Variants in LMAN1 observed in about 807,000 individuals in gnomAD.
The protein encoded by LMAN1 is protein ERGIC-53.
In LMAN1, 32 loss-of-function variants were observed where a neutral mutation model predicts 67.8. The observed-to-expected ratio is 0.47, with a 90% CI of 0.36 to 0.63. The LOEUF (loss-of-function observed/expected upper bound fraction) is 0.63, where lower values mean the gene tolerates loss of function less well. Among genes scored for constraint, LMAN1 ranks in the 30% least tolerant of loss-of-function variants. The probability of loss-of-function intolerance (pLI) is 0.00; values close to 1 mark genes in which losing one functional copy is unlikely to be tolerated. For synonymous variants in LMAN1, 235 were observed against 219.3 expected (o/e 1.07, Z -0.63); for missense variants, 632 against 628.2 (o/e 1.01, Z -0.06).
At position 59,331,007 on chromosome 18, in the gene LMAN1, G is replaced by A; in HGVS notation, c.*86C>T. 1.2e-6 allele frequency: 1 copy of A among 863,746 alleles called. No individual in the cohort carries two copies. The highest frequency in any genetic ancestry group is 1.5e-5 in the South Asian group (1 of 66,094). The allele number at this position is 863,746 out of a possible 1,614,324, so 53.5% of individuals were successfully genotyped here. A position where few individuals can be genotyped will look rare whatever the true frequency, so the allele number is the denominator to read the frequency against. On this transcript the variant is annotated 3_prime_UTR_variant, in exon 13 of 13. Transcript: ENST00000251047. ...TTTTATTAAGAAAATTAATAATTTA[G>A]ACTATGAAGCAATTTAAATACTTAA...
intron 11 of LMAN1, 39 bp downstream of exon 11, chr18:59,333,052 A>G (rs189880639): frequency 1.5e-4 from 229 of 1,534,940 alleles, no homozygotes; most frequent in Non-Finnish European, 2.0e-4. Context: ...TTCCTTTCCT[A>G]AAGATTATAA....
At chr18:59,347,620 T>C (rs373365687) in intron 6 of LMAN1, 49 bp from the exon 7 acceptor site, 9 of 1,181,206 alleles carry the variant, frequency 7.6e-6, no homozygotes, top group Admixed American at 4.0e-5. Context: ...AGGAGATTAC[T>C]TTTATCATTG....
intron 7 of LMAN1, 144 bp from the exon 8 acceptor site, chr18:59,346,195 G>A (rs1006776290): frequency 4.7e-5 from 19 of 407,398 alleles, no homozygotes; most frequent in African/African-American, 6.6e-5. Flanking sequence ...TTACTTAAAC[G>A]ATAGCAAATT....
chr18:59,353,439 C>T (rs1603396009), intron 4 of LMAN1, 138 bp from the exon 5 acceptor site: 2 of 680,730 alleles, frequency 2.9e-6, no homozygotes, highest in East Asian at 5.6e-5. Flanking sequence ...CTACACGAGA[C>T]TACATGAGAC....
chr18:59,352,216 T>C (rs994012049), intron 5 of LMAN1, among the ~76,000 whole-genome samples: 1 of 152,122 alleles, frequency 6.6e-6, no homozygotes, highest in South Asian at 2.1e-4. Context: ...TGATTTCCCA[T>C]TCCTCCCCCA....
At chr18:59,357,258 T>C (rs1355332085) in intron 1 of LMAN1, among the ~76,000 whole-genome samples, 1 of 152,228 alleles carries the variant, frequency 6.6e-6, no homozygotes, top group Non-Finnish European at 1.5e-5. Flanking sequence ...TCTTGACATT[T>C]CTGCAGCAGA....
Position 59,347,581 on chromosome 18 carries a change from A to G in LMAN1, c.764-10T>C. On this transcript the variant is annotated splice_polypyrimidine_tract_variant and intron_variant, in intron 6 of 12. Coordinates refer to ENST00000251047, the MANE Select transcript of LMAN1 (RefSeq NM_005570.4). Reference sequence around the variant, plus strand: ...AGGACATCATGGTCATCTACAAATTAAAAAAAAAAAAGTCTGAAAAAGTTC... The same window carrying G: ...AGGACATCATGGTCATCTACAAATTGAAAAAAAAAAAGTCTGAAAAAGTTC... 2.0e-6 allele frequency: 1 copy of G among 495,926 alleles called. No homozygotes were observed. Among genetic ancestry groups the G allele is most frequent in the Non-Finnish European group, 2.8e-6 (1 of 359,990 alleles). The allele number at this position is 495,926 out of a possible 1,614,324, so 30.7% of individuals were successfully genotyped here.
intron 8 of LMAN1, among the ~76,000 whole-genome samples, chr18:59,344,666 G>C (rs192960995): frequency 6.6e-6 from 1 of 151,568 alleles, no homozygotes; most frequent in African/African-American, 2.4e-5. Flanking sequence ...AGGTGGGAGG[G>C]GAATGAAGGT....
chr18:59,346,626 T>C (rs1908414955), intron 7 of LMAN1, among the ~76,000 whole-genome samples: 1 of 151,918 alleles, frequency 6.6e-6, no homozygotes, highest in Non-Finnish European at 1.5e-5. Flanking sequence ...GTTCAAGCGA[T>C]TCTCCAGCCT....
At chr18:59,358,879 G>A (rs763621911) in intron 1 of LMAN1, 152 bp downstream of exon 1, 29 of 769,734 alleles carry the variant, frequency 3.8e-5, no homozygotes, top group Non-Finnish European at 5.9e-5. Flanking sequence ...GGACCCGGCG[G>A]AGGGGCTGCC....
chr18:59,335,499 G>A (rs1182760630), intron 10 of LMAN1, among the ~76,000 whole-genome samples: 1 of 151,538 alleles, frequency 6.6e-6, no homozygotes, highest in Non-Finnish European at 1.5e-5. Flanking sequence ...AATACAGGAA[G>A]AACAAACCGG....
rs1347300306 is a variant in LMAN1, at chr18:59,338,865, C to T, written c.1044G>A (p.Leu348=). The T allele has an allele frequency of 6.2e-7, 1 of 1,613,756 alleles. No homozygotes were observed. Among genetic ancestry groups the T allele is most frequent in the South Asian group, 1.1e-5 (1 of 91,076 alleles). Residue 348 remains leucine (L), a synonymous_variant, in exon 9 of 13, where the codon CTG becomes CTA. Coordinates refer to ENST00000251047, the MANE Select transcript of LMAN1 (RefSeq NM_005570.4). The part of the protein sequence containing the change: ...QNRIHLEIKQ[L]NRQLDMILDE... The stretch of plus-strand genomic sequence containing the variant: ...CAAGAATCATATCTAACTGCCGGTT[C>T]AGCTGCTTGATTTCAAGATGAATAC...
rs111966923 is a variant in LMAN1, at chr18:59,355,205, T to A, written c.477+108A>T. The A allele has an allele frequency of 6.3e-4, 525 of 828,260 alleles. 3 individuals are homozygous for A. The African/African-American group carries it at 7.6e-3, about 12-fold the overall frequency. 51.3% of individuals were successfully genotyped at this position (828,260 alleles called of 1,614,324 possible). A position where few individuals can be genotyped will look rare whatever the true frequency, so the allele number is the denominator to read the frequency against. On this transcript the variant is annotated intron_variant, in intron 3 of 12. Transcript: ENST00000251047. ...CACATTTACCATATAGCTTGGGGAG[T>A]TCTGTACTATCAAACTGATGAAAGC...
rs766642102 is a variant in LMAN1, at chr18:59,333,098, C to T, written c.1367G>A (p.Arg456Gln). 25 of 1,612,394 alleles carry T rather than the reference C, an allele frequency of 1.6e-5. No homozygotes were observed. The highest frequency in any genetic ancestry group is 1.6e-4 in the Middle Eastern group (1 of 6,080). Residue 456 changes from arginine (R) to glutamine (Q), a missense_variant, in exon 11 of 13, where the codon CGA becomes CAA. Arg to Gln is a conservative substitution (Grantham distance 43). Transcript: ENST00000251047. ...AAAAGGAAACAAAGTTACCATATTT[C>T]GCTGCACTAAGTTATCTATGTCCCT... Reference protein sequence around the residue: ...VKRDIDNLVQRNMPSNEKPKC... With the variant: ...VKRDIDNLVQQNMPSNEKPKC...
chr18:59,345,883 T>C (rs936700433), intron 8 of LMAN1, 36 bp downstream of exon 8: 1 of 1,613,106 alleles, frequency 6.2e-7, no homozygotes, highest in Admixed American at 1.7e-5. Flanking sequence ...CCTCAAGCCC[T>C]GCTGCGGCAC....
At chr18:59,333,684 T>C (rs1378674160) in intron 10 of LMAN1, 3 of 166,424 alleles carry the variant, frequency 1.8e-5, no homozygotes, top group African/African-American at 7.2e-5. Flanking sequence ...ATTTCACTCA[T>C]ACAGCATATA....
intron 8 of LMAN1, 122 bp from the exon 9 acceptor site, chr18:59,339,075 A>T: frequency 1.4e-6 from 1 of 730,718 alleles, no homozygotes; most frequent in South Asian, 1.5e-5. Context: ...CAGTGGTACA[A>T]TCTCCCAAAC....
intron 8 of LMAN1, among the ~76,000 whole-genome samples, chr18:59,339,203 C>G (rs1204263532): frequency 6.6e-6 from 1 of 152,030 alleles, no homozygotes; most frequent in East Asian, 1.9e-4. Flanking sequence ...AACAATTTTT[C>G]TTGGATAATC....
At chr18:59,340,068 T>C (rs1186307174) in intron 8 of LMAN1, among the ~76,000 whole-genome samples, 1 of 152,148 alleles carries the variant, frequency 6.6e-6, no homozygotes, top group Non-Finnish European at 1.5e-5. Context: ...TTACAGCTTC[T>C]TGCTCATGAC....
Sources: gnomAD v4.1 joint callset for allele counts (sites outside exome capture counted in the v4.1 genomes callset) on GRCh38, gnomAD v4.1.1 for gene constraint, MANE v1.5 for transcripts, NCBI Gene and HGNC (gene_info 2026-07-23, HGNC 2026-07-21) for gene names.